GLO1: variants seen among roughly 807,000 people sequenced by gnomAD.
GLO1 encodes lactoylglutathione lyase.
A neutral mutation model predicts 26.0 loss-of-function variants in GLO1; 28 were observed. The observed-to-expected ratio is 1.08, with a 90% CI of 0.80 to 1.48. The LOEUF is 1.48. Among genes scored for constraint, GLO1 ranks in the 40% most tolerant of loss-of-function variants. The probability of loss-of-function intolerance (pLI) is 0.00; values close to 1 mark genes in which losing one functional copy is unlikely to be tolerated. For synonymous variants in GLO1, 78 were observed against 77.6 expected (o/e 1.00, Z -0.03); for missense variants, 225 against 224.8 (o/e 1.00, Z -0.01).
At chr6:38,702,419 T>C (rs982103279) in intron 1 of GLO1, among the ~76,000 whole-genome samples, 2 of 152,206 alleles carry the variant, frequency 1.3e-5, no homozygotes, top group Non-Finnish European at 2.9e-5. Flanking sequence ...CCAAACTCTA[T>C]GATTCTGTAA....
At chr6:38,680,359 T>C (rs1301904274) in intron 5 of GLO1, among the ~76,000 whole-genome samples, 2 of 151,872 alleles carry the variant, frequency 1.3e-5, no homozygotes, top group Non-Finnish European at 2.9e-5. Flanking sequence ...CCGTCTCTAC[T>C]AAAAATACAA....
rs372960211 is a variant in GLO1, at chr6:38,677,286, C to T, written c.*9G>A. The T allele has an allele frequency of 1.2e-4, 144 of 1,250,330 alleles. No individual in the cohort carries two copies. Among genetic ancestry groups the T allele is most frequent in the Non-Finnish European group, 1.5e-4 (131 of 848,494 alleles). The allele number at this position is 1,250,330 out of a possible 1,614,324, so 77.5% of individuals were successfully genotyped here. ...TCTTCTGAAATCTCAAAGGAGAATT[C>T]TCACAGCACTACATTAAGGTTGCCA... On this transcript the variant is annotated 3_prime_UTR_variant, in exon 6 of 6. Coordinates refer to ENST00000373365, the MANE Select transcript of GLO1 (RefSeq NM_006708.3).
At chr6:38,687,584 T>A (rs1051452039) in intron 1 of GLO1, among the ~76,000 whole-genome samples, 1 of 152,246 alleles carries the variant, frequency 6.6e-6, no homozygotes, top group Admixed American at 6.5e-5. Context: ...GGTAAAAAGT[T>A]ACTGTTGCTA....
intron 2 of GLO1, among the ~76,000 whole-genome samples, chr6:38,686,051 T>G (rs1469585937): frequency 6.6e-6 from 1 of 152,246 alleles, no homozygotes; most frequent in South Asian, 2.1e-4. Flanking sequence ...AAATCTGTTT[T>G]CATTTTGTCC....
In GLO1 at chr6:38,676,562, C is replaced by T. The variant is rs1210739816; in HGVS notation, c.*733G>A. The T allele has an allele frequency of 6.6e-6, 1 of 152,144 alleles. No homozygotes were observed. Among genetic ancestry groups the T allele is most frequent in the Non-Finnish European group, 1.5e-5 (1 of 68,022 alleles). The allele number at this position is 152,144 out of a possible 1,614,324, so 9.4% of individuals were successfully genotyped here. A position where few individuals can be genotyped will look rare whatever the true frequency, so the allele number is the denominator to read the frequency against. Reference sequence around the variant, plus strand: ...AAATCTTGAGTTGAGCTGATTGATGCCCTCTTAAATCCATTAATAATCCAT... The same window carrying T: ...AAATCTTGAGTTGAGCTGATTGATGTCCTCTTAAATCCATTAATAATCCAT... On this transcript the variant is annotated 3_prime_UTR_variant, in exon 6 of 6. Coordinates refer to ENST00000373365, the MANE Select transcript of GLO1 (RefSeq NM_006708.3).
chr6:38,702,865 C>A (rs915460454), intron 1 of GLO1, 106 bp downstream of exon 1: 5 of 665,260 alleles, frequency 7.5e-6, no homozygotes, highest in Non-Finnish European at 2.6e-6. Context: ...CCCGTCCGCC[C>A]GAGGCCGGCG....
intron 5 of GLO1, among the ~76,000 whole-genome samples, chr6:38,680,541 C>T (rs1761357779): frequency 6.6e-6 from 1 of 152,060 alleles, no homozygotes; most frequent in African/African-American, 2.4e-5. Flanking sequence ...AAACAAAACC[C>T]CTTTAAAGAC....
intron 5 of GLO1, among the ~76,000 whole-genome samples, chr6:38,677,658 C>T (rs1406698989): frequency 6.6e-6 from 1 of 152,172 alleles, no homozygotes; most frequent in African/African-American, 2.4e-5. Context: ...TCAAGCAATC[C>T]TCCTGCCTTG....
chr6:38,693,087 G>C (rs1761554515), intron 1 of GLO1, among the ~76,000 whole-genome samples: 1 of 152,076 alleles, frequency 6.6e-6, no homozygotes, highest in South Asian at 2.1e-4. Context: ...TCTGGAAGGG[G>C]TTGTGTATAA....
Position 38,684,522 on chromosome 6 carries a change from GA to G in GLO1, c.168-9del. 6.8e-7 allele frequency: 1 copy of G among 1,481,374 alleles called. No individual in the cohort carries two copies. The highest frequency in any genetic ancestry group is 9.0e-7 in the Non-Finnish European group (1 of 1,113,252). 91.8% of individuals were successfully genotyped at this position (1,481,374 alleles called of 1,614,324 possible). On this transcript the variant is annotated splice_polypyrimidine_tract_variant and intron_variant, in intron 2 of 5. Coordinates refer to ENST00000373365, the MANE Select transcript of GLO1 (RefSeq NM_006708.3). Reference sequence around the variant, plus strand: ...TCACATTTTTGGATTAGCCTGCAATGAAAAAACAACAAGCCTGAATCATTAA... The same window carrying G: ...TCACATTTTTGGATTAGCCTGCAATGAAAAACAACAAGCCTGAATCATTAA...
intron 1 of GLO1, among the ~76,000 whole-genome samples, chr6:38,688,209 C>T (rs941348004): frequency 6.6e-6 from 1 of 151,920 alleles, no homozygotes; most frequent in African/African-American, 2.4e-5. Context: ...AATCACATGC[C>T]AGGCAGGTTA....
At chr6:38,694,016 C>CA (rs1761573208) in intron 1 of GLO1, among the ~76,000 whole-genome samples, 1 of 152,054 alleles carries the variant, frequency 6.6e-6, no homozygotes, top group South Asian at 2.1e-4. Context: ...GGCCTCAGCT[C>CA]AAAATATTTT....
At chr6:38,696,537 CAGA>C (rs1761613582) in intron 1 of GLO1, among the ~76,000 whole-genome samples, 1 of 152,206 alleles carries the variant, frequency 6.6e-6, no homozygotes, top group Admixed American at 6.5e-5. Flanking sequence ...CCTCACATGG[CAGA>C]AGGGCTTGAT....
chr6:38,678,577 CAG>C (rs1761313114), intron 5 of GLO1, among the ~76,000 whole-genome samples: 1 of 152,256 alleles, frequency 6.6e-6, no homozygotes, highest in Non-Finnish European at 1.5e-5. Context: ...TGCGAGAGAA[CAG>C]AGTTTTGCTC....
In GLO1 at chr6:38,682,949, A is replaced by C. The variant is rs1049500618; in HGVS notation, c.309-74T>G. On this transcript the variant is annotated intron_variant, in intron 3 of 5. Coordinates refer to ENST00000373365, the MANE Select transcript of GLO1 (RefSeq NM_006708.3). ...TCTGAAAAGCAAGTAACATCTTTGA[A>C]ATCTTACCACGTTTATATGCTACTT... The C allele has an allele frequency of 4.5e-6, 4 of 882,928 alleles. No individual in the cohort carries two copies. The Admixed American group carries it at 7.1e-5, about 16-fold the overall frequency. 54.7% of individuals were successfully genotyped at this position (882,928 alleles called of 1,614,324 possible).
rs1402702504 is a variant in GLO1 at position 38,703,002 on chromosome 6, C to CA, written c.52_53insT (p.Ser18MetfsTer26). The stretch of plus-strand genomic sequence containing the variant: ...ACTGGGGTCCGCGTCGGAGCAGCAA[C>CA]TGAGGGCGGCCTCGTCCGTGAGGCC... On this transcript the variant is annotated frameshift_variant, in exon 1 of 6. Coordinates refer to ENST00000373365, the MANE Select transcript of GLO1 (RefSeq NM_006708.3). LOFTEE classifies it high-confidence loss of function. 6.3e-7 allele frequency: 1 copy of CA among 1,593,862 alleles called. No individual in the cohort carries two copies. Among genetic ancestry groups the CA allele is most frequent in the East Asian group, 2.3e-5 (1 of 44,178 alleles).
At chr6:38,696,865 T>C (rs1237246289) in intron 1 of GLO1, among the ~76,000 whole-genome samples, 6 of 152,180 alleles carry the variant, frequency 3.9e-5, no homozygotes, top group Non-Finnish European at 7.4e-5. Flanking sequence ...CTATCTACTT[T>C]GTCTCTCAAA....
intron 1 of GLO1, among the ~76,000 whole-genome samples, chr6:38,687,837 C>G (rs1761477959): frequency 6.6e-6 from 1 of 151,942 alleles, no homozygotes; most frequent in African/African-American, 2.4e-5. Context: ...CTCCCTTTAC[C>G]ATTGGTATGT....
intron 1 of GLO1, among the ~76,000 whole-genome samples, chr6:38,696,367 A>G (rs1761610975): frequency 6.6e-6 from 1 of 152,130 alleles, no homozygotes; most frequent in South Asian, 2.1e-4. Context: ...ATTGCCTCTT[A>G]TCTTAGTCCA....
Sources: allele counts gnomAD v4.1 joint callset (sites outside exome capture counted in the v4.1 genomes callset), GRCh38; gene constraint gnomAD v4.1.1; transcripts MANE v1.5; gene names NCBI Gene and HGNC (gene_info 2026-07-23, HGNC 2026-07-21).